The following NTN4 variants were observed in gnomAD, a reference collection of about 807,000 sequenced individuals.
The protein encoded by NTN4 is netrin-4.
Under a neutral mutation model 73.6 loss-of-function variants are expected in NTN4, and 32 were observed. The observed-to-expected ratio is 0.44, with a 90% CI of 0.33 to 0.58. The LOEUF is 0.58. Among genes scored for constraint, NTN4 ranks in the 20% least tolerant of loss-of-function variants. The probability of loss-of-function intolerance (pLI) is 0.04; values close to 1 mark genes in which losing one functional copy is unlikely to be tolerated. For synonymous variants in NTN4, 258 were observed against 287.5 expected (o/e 0.90, Z 1.04); for missense variants, 654 against 798.3 (o/e 0.82, Z 2.18).
At chr12:95,728,105 C>T (rs2121141090) in intron 3 of NTN4, among the ~76,000 whole-genome samples, 1 of 151,876 alleles carries the variant, frequency 6.6e-6, no homozygotes, top group East Asian at 1.9e-4. Flanking sequence ...TTGTTCATTG[C>T]CAGTGTATAA....
chr12:95,680,617 T>C (rs2120980293), intron 7 of NTN4, among the ~76,000 whole-genome samples: 2 of 152,326 alleles, frequency 1.3e-5, no homozygotes, highest in South Asian at 4.1e-4. Context: ...AACGAGAGAA[T>C]AAAAATGGTA....
intron 2 of NTN4, among the ~76,000 whole-genome samples, chr12:95,777,366 C>A (rs2079101219): frequency 1.3e-5 from 2 of 152,118 alleles, no homozygotes; most frequent in East Asian, 3.8e-4. Context: ...CACAGACTGG[C>A]AAATTGGATA....
In NTN4 at chr12:95,790,456, T is replaced by C. The variant is rs1167942884; in HGVS notation, c.-147A>G. On this transcript the variant is annotated 5_prime_UTR_variant, in exon 1 of 10. Coordinates refer to ENST00000343702, the MANE Select transcript of NTN4 (RefSeq NM_021229.4). This position sits in a 1 kb window ranked among gnomAD's most constrained non-coding sequence, Gnocchi z 6.5. ...CTGGGGCGCCGGGCTCGGTCAGCGG[T>C]CGCCGGCAGCTGGGAGCCAGGGGCC... is the stretch of plus-strand genomic sequence containing the variant. 3.2e-6 allele frequency: 2 copies of C among 633,118 alleles called. No individual in the cohort carries two copies. Among genetic ancestry groups the C allele is most frequent in the Non-Finnish European group, 4.9e-6 (2 of 409,892 alleles). 39.2% of individuals were successfully genotyped at this position (633,118 alleles called of 1,614,324 possible). A position where few individuals can be genotyped will look rare whatever the true frequency, so the allele number is the denominator to read the frequency against.
At position 95,781,070 on chromosome 12, in the gene NTN4, G is replaced by C. The variant is rs111672819; in HGVS notation, c.585+5869C>G. ...AAGGACAAAAAAACAAACACTGCAT[G>C]TTCTCACTTATAGGTGGGAATTGAA... On this transcript the variant is annotated intron_variant, in intron 2 of 9. Coordinates refer to ENST00000343702, the MANE Select transcript of NTN4 (RefSeq NM_021229.4). This position sits in a 1 kb window ranked among gnomAD's most constrained non-coding sequence, Gnocchi z 4.1. Among the ~76,000 whole-genome samples the C allele has an allele frequency of 0.044, 6,724 of 152,140 alleles. 496 individuals carry two copies. The highest frequency in any genetic ancestry group is 0.15 in the African/African-American group (6,334 of 41,454).
At chr12:95,667,954 G>A (rs979531139) in intron 8 of NTN4, among the ~76,000 whole-genome samples, 3 of 152,098 alleles carry the variant, frequency 2.0e-5, no homozygotes, top group Non-Finnish European at 4.4e-5. Flanking sequence ...GGTAGAGTTT[G>A]GGCTAGAACC....
At chr12:95,768,094 A>G (rs920440606) in intron 2 of NTN4, among the ~76,000 whole-genome samples, 2 of 152,200 alleles carry the variant, frequency 1.3e-5, no homozygotes, top group Non-Finnish European at 2.9e-5. Flanking sequence ...ATAGTGGAAG[A>G]GTTGGTTTAC....
Position 95,687,560 on chromosome 12 carries a change from C to T in NTN4, c.1181-3849G>A, listed in dbSNP as rs1037870990. On this transcript the variant is annotated intron_variant, in intron 5 of 9. Transcript: ENST00000343702. ...GGATTATAGGTGCCTACCACCATAC[C>T]GGCTATTTTTTTGTATTTTTAATAG... 3.3e-5 allele frequency among the ~76,000 whole-genome samples: 5 copies of T among 151,690 alleles called. No individual in the cohort carries two copies. The East Asian group carries it at 7.7e-4, about 23-fold the overall frequency.
chr12:95,759,394 CTG>C (rs2078968847), intron 2 of NTN4, among the ~76,000 whole-genome samples: 1 of 151,812 alleles, frequency 6.6e-6, no homozygotes, highest in African/African-American at 2.4e-5. Context: ...TCTTTTCTGT[CTG>C]TGATTCATTA....
chr12:95,779,182 A>T (rs2079115217), intron 2 of NTN4, among the ~76,000 whole-genome samples: 1 of 152,228 alleles, frequency 6.6e-6, no homozygotes, highest in Non-Finnish European at 1.5e-5. Context: ...GCTATGTATG[A>T]CAAACCCACA....
intron 3 of NTN4, among the ~76,000 whole-genome samples, chr12:95,726,101 TCTAA>T (rs1200628510): frequency 1.3e-5 from 2 of 152,160 alleles, no homozygotes; most frequent in African/African-American, 2.4e-5. Flanking sequence ...TTGATTTTTT[TCTAA>T]CTGAGATAAC....
chr12:95,658,321 T>C lies in NTN4; in HGVS notation c.*765A>G, dbSNP rs890669094. 6.6e-6 allele frequency: 1 copy of C among 152,278 alleles called. No homozygotes were observed. Among genetic ancestry groups the C allele is most frequent in the Non-Finnish European group, 1.5e-5 (1 of 68,048 alleles). 9.4% of individuals were successfully genotyped at this position (152,278 alleles called of 1,614,324 possible). On this transcript the variant is annotated 3_prime_UTR_variant, in exon 10 of 10. Transcript: ENST00000343702. ...TTTAGTTTTTTAAAAAGTTTCATCA[T>C]GGCTGTCATCTTGGAATCTAGCCTC...
chr12:95,678,379 A>T (rs77415522), intron 7 of NTN4, among the ~76,000 whole-genome samples: 2,901 of 151,074 alleles, frequency 0.019, 50 homozygotes, highest in Non-Finnish European at 0.025. Flanking sequence ...GAATAGTTTG[A>T]TACCGGAAAA....
chr12:95,699,258 T>C (rs917339368), intron 5 of NTN4, among the ~76,000 whole-genome samples: 2 of 152,198 alleles, frequency 1.3e-5, no homozygotes, highest in African/African-American at 4.8e-5. Flanking sequence ...AAGTTACTAT[T>C]TGAAGAGACC....
chr12:95,768,376 G>C (rs1234840377), intron 2 of NTN4, among the ~76,000 whole-genome samples: 2 of 152,106 alleles, frequency 1.3e-5, no homozygotes, highest in African/African-American at 4.8e-5. Flanking sequence ...AATTATTTGA[G>C]TGACTTAACT....
At chr12:95,787,545 C>G in intron 1 of NTN4, 77 bp from the exon 2 acceptor site, 1 of 1,431,206 alleles carries the variant, frequency 7.0e-7, no homozygotes, top group East Asian at 2.3e-5. Flanking sequence ...CCATCAACAA[C>G]AGTCAAGGAT....
At chr12:95,780,400 A>G (rs2079123677) in intron 2 of NTN4, among the ~76,000 whole-genome samples, 1 of 152,254 alleles carries the variant, frequency 6.6e-6, no homozygotes, top group South Asian at 2.1e-4. Context: ...CAACCTACTC[A>G]TCTGACAAAG....
Position 95,665,877 on chromosome 12 carries a change from T to C in NTN4, c.1683A>G (p.Arg561=). ...VLKSTKLKIF[R]GKRTLYPESW... Reference sequence around the variant, plus strand: ...ATTCTGGATATAATGTTCGCTTTCCTCGGAAAATCTTCAGTTTGGTAGATT... The same window carrying C: ...ATTCTGGATATAATGTTCGCTTTCCCCGGAAAATCTTCAGTTTGGTAGATT... The change falls in exon 9 of 10, where the codon CGA becomes CGG. Residue 561 remains arginine (R), a synonymous_variant. Transcript: ENST00000343702. The C allele has an allele frequency of 6.2e-7, 1 of 1,614,042 alleles. No individual in the cohort carries two copies. The highest frequency in any genetic ancestry group is 8.5e-7 in the Non-Finnish European group (1 of 1,179,920).
chr12:95,747,643 A>T (rs2078871887), intron 2 of NTN4, among the ~76,000 whole-genome samples: 1 of 152,048 alleles, frequency 6.6e-6, no homozygotes, highest in African/African-American at 2.4e-5. Context: ...CTATGTTTTG[A>T]TGCATCCTTA....
chr12:95,701,940 G>C (rs1452883224), intron 5 of NTN4, among the ~76,000 whole-genome samples: 1 of 152,034 alleles, frequency 6.6e-6, no homozygotes, highest in Non-Finnish European at 1.5e-5. Flanking sequence ...TCATCAATTT[G>C]TTTCATTTTC....
Sources: allele counts gnomAD v4.1 joint callset (sites outside exome capture counted in the v4.1 genomes callset), GRCh38; gene constraint gnomAD v4.1.1; non-coding constraint Gnocchi (gnomAD v3.1); transcripts MANE v1.5; gene names NCBI Gene and HGNC (gene_info 2026-07-23, HGNC 2026-07-21).